Variants in CDH4 observed in about 807,000 individuals in gnomAD.
CDH4 encodes the protein cadherin 4.
CDH4 carries 33 observed loss-of-function variants against 86.0 expected under a neutral mutation model. The ratio of observed to expected loss-of-function variants is 0.38; its 90% CI spans 0.29 to 0.51. The LOEUF is 0.51. Ranked by LOEUF, CDH4 falls within the 20% of genes least tolerant of loss-of-function variation. The pLI is 0.86. For missense variants in CDH4, 1,114 were observed against 1,307.4 expected, an observed-to-expected ratio of 0.85 and a Z score of 2.28; for synonymous variants, 555 against 549.4, an observed-to-expected ratio of 1.01 and a Z score of -0.14.
intron 2 of CDH4, among the ~76,000 whole-genome samples, chr20:61,504,691 C>T (rs554268763): frequency 3.9e-5 from 6 of 152,352 alleles, no homozygotes; most frequent in African/African-American, 1.2e-4. Flanking sequence ...ACAATCTGGA[C>T]GTTGCAGTGA....
chr20:61,541,533 G>A (rs1027986296), intron 2 of CDH4, among the ~76,000 whole-genome samples: 3 of 152,188 alleles, frequency 2.0e-5, no homozygotes, highest in Non-Finnish European at 4.4e-5. Flanking sequence ...AGAATTAGCC[G>A]ATGTCACTAC....
At chr20:61,894,366 G>C (rs1033975494) in intron 7 of CDH4, among the ~76,000 whole-genome samples, 1 of 152,224 alleles carries the variant, frequency 6.6e-6, no homozygotes, top group Non-Finnish European at 1.5e-5. Flanking sequence ...AAACTGTCAG[G>C]ACTGCTTTTC....
intron 2 of CDH4, among the ~76,000 whole-genome samples, chr20:61,267,191 C>T (rs1423072169): frequency 6.6e-6 from 1 of 152,192 alleles, no homozygotes; most frequent in East Asian, 1.9e-4. Flanking sequence ...TTATCTGAAG[C>T]CACCAAGTTT....
chr20:61,304,435 T>A (rs2084403865), intron 2 of CDH4, among the ~76,000 whole-genome samples: 1 of 152,224 alleles, frequency 6.6e-6, no homozygotes, highest in Non-Finnish European at 1.5e-5. Flanking sequence ...CGTGGTTGGC[T>A]TCTCTAAACG....
chr20:61,493,395 T>G (rs2085638831), intron 2 of CDH4, among the ~76,000 whole-genome samples: 1 of 152,230 alleles, frequency 6.6e-6, no homozygotes, highest in Non-Finnish European at 1.5e-5. Context: ...TTTTGCTTCT[T>G]ACAGAGCAGT....
At chr20:61,888,373 A>G (rs1448903863) in intron 7 of CDH4, among the ~76,000 whole-genome samples, 3 of 152,224 alleles carry the variant, frequency 2.0e-5, no homozygotes, top group Non-Finnish European at 4.4e-5. Context: ...GGCTCCGTCC[A>G]GCCGCTGCAA....
chr20:61,936,637 A>C, intron 15 of CDH4, 100 bp from the exon 16 acceptor site: 5 of 921,600 alleles, frequency 5.4e-6, no homozygotes, highest in Non-Finnish European at 7.7e-6. Context: ...GCAACGTCCT[A>C]CCTCCCTACC....
rs903875150 is a variant in CDH4 at position 61,676,137 on chromosome 20, CTGAA to C, written c.170-67423_170-67420del. Among the ~76,000 whole-genome samples, 2 of 152,238 alleles carry C rather than the reference CTGAA, an allele frequency of 1.3e-5. No homozygotes were observed. The highest frequency in any genetic ancestry group is 1.9e-4 in the East Asian group (1 of 5,196). On this transcript the variant is annotated intron_variant, in intron 2 of 15. Coordinates refer to ENST00000614565, the MANE Select transcript of CDH4 (RefSeq NM_001794.5). This position sits in a 1 kb window ranked among gnomAD's most constrained non-coding sequence, Gnocchi z 4.5. ...GGTCTGAGACTTAATTCCAGGTTCT[CTGAA>C]TGGGGCCTGCCAGTTCGAATTTGCA...
intron 2 of CDH4, among the ~76,000 whole-genome samples, chr20:61,503,699 C>T (rs549801858): frequency 1.3e-5 from 2 of 152,172 alleles, no homozygotes; most frequent in Non-Finnish European, 2.9e-5. Context: ...GCCACATTCT[C>T]TATGCATTGG....
rs2145578334 is a variant in CDH4 at position 61,480,611 on chromosome 20, G to A, written c.169+225674G>A. 6.6e-6 allele frequency among the ~76,000 whole-genome samples: 1 copy of A among 152,370 alleles called. No homozygotes were observed. Among genetic ancestry groups the A allele is most frequent in the Admixed American group, 6.5e-5 (1 of 15,312 alleles). On this transcript the variant is annotated intron_variant, in intron 2 of 15. Coordinates refer to ENST00000614565, the MANE Select transcript of CDH4 (RefSeq NM_001794.5). This position sits in a 1 kb window ranked among gnomAD's most constrained non-coding sequence, Gnocchi z 5.2. ...TGCCTGCTAGGCTGACACAGGGGAA[G>A]GAGGTGTGGAGGTGTGGGGAGGGCG... is the stretch of plus-strand genomic sequence containing the variant.
At chr20:61,366,444 T>TA (rs1396794685) in intron 2 of CDH4, among the ~76,000 whole-genome samples, 3 of 151,994 alleles carry the variant, frequency 2.0e-5, no homozygotes, top group East Asian at 1.9e-4. Context: ...CACACAGAAA[T>TA]ATAGAGGTGT....
chr20:61,785,141 G>A (rs1978808921), intron 4 of CDH4, among the ~76,000 whole-genome samples: 1 of 152,108 alleles, frequency 6.6e-6, no homozygotes, highest in East Asian at 1.9e-4. Flanking sequence ...AGTTCATCAG[G>A]TCTCTCCTCC....
intron 7 of CDH4, among the ~76,000 whole-genome samples, chr20:61,893,951 C>T (rs1325192816): frequency 6.6e-6 from 1 of 152,104 alleles, no homozygotes; most frequent in East Asian, 1.9e-4. Context: ...AACTTGAGCA[C>T]GTTTCACTGA....
At chr20:61,521,431 T>C (rs1282856993) in intron 2 of CDH4, among the ~76,000 whole-genome samples, 1 of 152,206 alleles carries the variant, frequency 6.6e-6, no homozygotes, top group East Asian at 1.9e-4. Flanking sequence ...CAGCCCTGTC[T>C]CTCTTTTGCT....
Position 61,653,588 on chromosome 20 carries a change from C to T in CDH4, c.170-89975C>T, listed in dbSNP as rs549743050. Among the ~76,000 whole-genome samples the T allele has an allele frequency of 7.1e-3, 949 of 133,348 alleles. 20 individuals carry two copies. The highest frequency in any genetic ancestry group is 0.028 in the Middle Eastern group (7 of 250). 87.5% of individuals were successfully genotyped at this position (133,348 alleles called of 152,430 possible). A position where few individuals can be genotyped will look rare whatever the true frequency, so the allele number is the denominator to read the frequency against. On this transcript the variant is annotated intron_variant, in intron 2 of 15. Coordinates refer to ENST00000614565, the MANE Select transcript of CDH4 (RefSeq NM_001794.5). Reference sequence around the variant, plus strand: ...GGCTGACCCCCACCTCCCTCCCGGACGGGGTGGCTGCCGGGCAGAGACGCT... The same window carrying T: ...GGCTGACCCCCACCTCCCTCCCGGATGGGGTGGCTGCCGGGCAGAGACGCT...
At chr20:61,347,242 C>A (rs2084684827) in intron 2 of CDH4, among the ~76,000 whole-genome samples, 1 of 152,202 alleles carries the variant, frequency 6.6e-6, no homozygotes, top group Non-Finnish European at 1.5e-5. Flanking sequence ...AGGTGACAGC[C>A]CGTGCCGCTG....
intron 4 of CDH4, among the ~76,000 whole-genome samples, chr20:61,831,404 C>T (rs141042369): frequency 6.6e-6 from 1 of 152,296 alleles, no homozygotes; most frequent in African/African-American, 2.4e-5. Flanking sequence ...GGGAAGAGCC[C>T]CAGGCCTCTG....
intron 2 of CDH4, among the ~76,000 whole-genome samples, chr20:61,323,996 G>A (rs1010317989): frequency 2.0e-5 from 3 of 152,198 alleles, no homozygotes; most frequent in Admixed American, 6.5e-5. Flanking sequence ...AGGGGAGATC[G>A]CAAAGATGGT....
chr20:61,471,580 C>T (rs1487611931), intron 2 of CDH4, among the ~76,000 whole-genome samples: 1 of 150,532 alleles, frequency 6.6e-6, no homozygotes, highest in Non-Finnish European at 1.5e-5. Flanking sequence ...TCTTGCTTTT[C>T]TAGCTCTTTA....
Sources: gnomAD v4.1 joint callset for allele counts (sites outside exome capture counted in the v4.1 genomes callset) on GRCh38, gnomAD v4.1.1 for gene constraint, Gnocchi (gnomAD v3.1) non-coding constraint, MANE v1.5 for transcripts, NCBI Gene and HGNC (gene_info 2026-07-23, HGNC 2026-07-21) for gene names.